The following CPLANE1 variants were observed in gnomAD, a reference collection of about 807,000 sequenced individuals.
The protein encoded by CPLANE1 is ciliogenesis and planar polarity effector complex subunit 1.
CPLANE1 carries 263 observed loss-of-function variants against 362.5 expected under a neutral mutation model. The ratio of observed to expected loss-of-function variants is 0.73; its 90% CI spans 0.66 to 0.80. The LOEUF is 0.80. Ranked by LOEUF, CPLANE1 falls within the 30% of genes least tolerant of loss-of-function variation. The pLI, the probability that CPLANE1 is intolerant of heterozygous loss-of-function variation, is 0.00. For synonymous variants in CPLANE1, 1,212 were observed against 1,302.6 expected (o/e 0.93, Z 1.50); for missense variants, 3,461 against 3,793.4 (o/e 0.91, Z 2.30).
At position 37,213,619 on chromosome 5, in the gene CPLANE1, G is replaced by A. The variant is rs1352090701; in HGVS notation, c.2860C>T (p.Gln954Ter). ...RFMAAYFTNQ[Q>*]LCILPPHHVN... ...TGATGAGGGGGCAAAATGCAAAGCT[G>A]CTGATTGGTGAAATAGGCAGCCATG... Residue 954 changes from glutamine to a stop codon, truncating the protein, a stop_gained, in exon 16 of 53, where the codon CAG becomes TAG. Transcript: ENST00000651892. LOFTEE classifies it high-confidence loss of function. 2 of 1,548,704 alleles carry A rather than the reference G, an allele frequency of 1.3e-6. No individual in the cohort carries two copies. The highest frequency in any genetic ancestry group is 1.4e-5 in the African/African-American group (1 of 72,990).
chr5:37,212,635 T>C (rs569714738), intron 16 of CPLANE1, among the ~76,000 whole-genome samples: 1 of 152,312 alleles, frequency 6.6e-6, no homozygotes, highest in East Asian at 1.9e-4. Context: ...ATGAATATCA[T>C]AGAAATTTGT....
rs78164677 is a variant in CPLANE1 at position 37,187,387 on chromosome 5, G to A, written c.4080+27C>T. Reference sequence around the variant, plus strand: ...TTTTAAAGTCTCTGATTCTGATGTAGTTTACTTTCACCTACAAGCACATTA... The same window carrying A: ...TTTTAAAGTCTCTGATTCTGATGTAATTTACTTTCACCTACAAGCACATTA... On this transcript the variant is annotated intron_variant, in intron 23 of 52. Transcript: ENST00000651892. 170,626 of 1,562,424 alleles carry A rather than the reference G, an allele frequency of 0.11. 10,424 individuals are homozygous for A. Among genetic ancestry groups the A allele is most frequent in the African/African-American group, 0.24 (17,729 of 72,394 alleles).
At chr5:37,197,005 T>G (rs1787717082) in intron 20 of CPLANE1, among the ~76,000 whole-genome samples, 1 of 150,574 alleles carries the variant, frequency 6.6e-6, no homozygotes, top group Non-Finnish European at 1.5e-5. Flanking sequence ...CACAGATTAA[T>G]GACCGGGTTA....
chr5:37,090,497 C>T, the CPLANE1 span, among the ~76,000 whole-genome samples: 1 of 152,166 alleles, frequency 6.6e-6, no homozygotes, highest in Non-Finnish European at 1.5e-5. Context: ...TATTAATCTG[C>T]AAATAGCTTT....
At chr5:37,245,419 T>G in intron 4 of CPLANE1, 60 bp downstream of exon 4, 1 of 1,323,440 alleles carries the variant, frequency 7.6e-7, no homozygotes, top group Non-Finnish European at 9.7e-7. Context: ...GAAAAATGTT[T>G]CATCCTCTTT....
the CPLANE1 span, chr5:37,085,873 TTAAATCTTTG>T: frequency 9.9e-7 from 1 of 1,011,990 alleles, no homozygotes; most frequent in East Asian, 2.4e-5. Flanking sequence ...GGGTGACGTG[TTAAATCTTTG>T]TACATAATTA....
At chr5:37,082,847 A>G in the CPLANE1 span, among the ~76,000 whole-genome samples, 6 of 152,172 alleles carry the variant, frequency 3.9e-5, no homozygotes, top group African/African-American at 1.4e-4. Context: ...AAAAAGAAAC[A>G]AAGGGTGGAG....
downstream of CPLANE1, among the ~76,000 whole-genome samples, chr5:37,105,246 G>A (rs1430878033): frequency 2.0e-5 from 3 of 152,134 alleles, no homozygotes; most frequent in Non-Finnish European, 4.4e-5. Flanking sequence ...GCTGCAGTGA[G>A]CCAACATCAC....
Position 37,157,841 on chromosome 5 carries a change from C to G in CPLANE1, c.7840G>C (p.Asp2614His). Reference protein sequence around the residue: ...LVGHTYINVIDIEANDLLQEL... With the variant: ...LVGHTYINVIHIEANDLLQEL... ...TGTAGAAGATCATTAGCTTCAATGT[C>G]AATCACATTTATATAAGTATGTCCA... The change falls in exon 40 of 53, where the codon GAC becomes CAC. Residue 2614 changes from aspartate (D) to histidine (H), a missense_variant. Transcript: ENST00000651892. 1 of 1,428,180 alleles carries G rather than the reference C, an allele frequency of 7.0e-7. No individual in the cohort carries two copies. The highest frequency in any genetic ancestry group is 9.4e-7 in the Non-Finnish European group (1 of 1,067,644). 88.5% of individuals were successfully genotyped at this position (1,428,180 alleles called of 1,614,324 possible).
Position 37,158,208 on chromosome 5 carries a change from T to C in CPLANE1, c.7812+16A>G. On this transcript the variant is annotated intron_variant, in intron 39 of 52. Transcript: ENST00000651892. ...AGCGCAAAGGTATTATTAAAACTTC[T>C]GAATAAAACACAAACCAAGTTTGTT... 1.9e-6 allele frequency: 3 copies of C among 1,612,438 alleles called. No homozygotes were observed. The highest frequency in any genetic ancestry group is 2.5e-6 in the Non-Finnish European group (3 of 1,178,942).
intron 46 of CPLANE1, among the ~76,000 whole-genome samples, chr5:37,132,338 T>C (rs1361626572): frequency 2.6e-4 from 1 of 3,838 alleles, no homozygotes; most frequent in Non-Finnish European, 2.6e-3. Flanking sequence ...ATTGTTCAAG[T>C]TTTTTTTTTT....
chr5:37,213,189 C>T (rs1045034482), intron 16 of CPLANE1, among the ~76,000 whole-genome samples: 3 of 152,090 alleles, frequency 2.0e-5, no homozygotes, highest in African/African-American at 7.2e-5. Flanking sequence ...CCCTGGGCAA[C>T]AAGAGCGAAA....
At position 37,157,878 on chromosome 5, in the gene CPLANE1, A is replaced by C; in HGVS notation, c.7813-10T>G. The C allele has an allele frequency of 6.4e-7, 1 of 1,568,850 alleles. No individual in the cohort carries two copies. The highest frequency in any genetic ancestry group is 8.7e-7 in the Non-Finnish European group (1 of 1,148,796). On this transcript the variant is annotated splice_polypyrimidine_tract_variant and intron_variant, in intron 39 of 52. Transcript: ENST00000651892. ...TATAAGTATGTCCAACCTGAGCCAA[A>C]ACACATAAAACCAAAGAGGGTTACA... is the stretch of plus-strand genomic sequence containing the variant.
At position 37,167,100 on chromosome 5, in the gene CPLANE1, T is replaced by C; in HGVS notation, c.7347A>G (p.Leu2449=). 1.2e-6 allele frequency: 2 copies of C among 1,613,234 alleles called. No individual in the cohort carries two copies. The highest frequency in any genetic ancestry group is 2.2e-5 in the East Asian group (1 of 44,808). Residue 2449 remains leucine, a synonymous_variant, in exon 35 of 53, where the codon CTA becomes CTG. Coordinates refer to ENST00000651892, the MANE Select transcript of CPLANE1 (RefSeq NM_001384732.1). ...EQGDAGHLQL[L]KVKIEPPEVR... is the part of the protein sequence containing the mutation. ...CTTCAGGTGGTTCTATTTTGACCTTTAGAAGTTGAAGGTGTCCAGCATCAC... is the reference window on the plus strand; with the variant it reads ...CTTCAGGTGGTTCTATTTTGACCTTCAGAAGTTGAAGGTGTCCAGCATCAC...
intron 30 of CPLANE1, among the ~76,000 whole-genome samples, chr5:37,176,374 G>A (rs1303055722): frequency 3.3e-5 from 5 of 152,008 alleles, no homozygotes; most frequent in African/African-American, 7.3e-5. Flanking sequence ...GATGGCTCAC[G>A]ACTGTAATCC....
rs1023003480 is a variant in CPLANE1 at position 37,184,808 on chromosome 5, A to C, written c.4461T>G (p.Ser1487Arg). The C allele has an allele frequency of 2.5e-5, 41 of 1,611,836 alleles. 1 individual carries two copies. Among genetic ancestry groups the C allele is most frequent in the East Asian group, 1.3e-4 (6 of 44,872 alleles). ...TGTACCTTTGATAGATATTTATCCT[A>C]CTTTTTTCTTCAACCGACAAAGCTT... is the stretch of plus-strand genomic sequence containing the variant. ...FSEALSVEEK[S>R]RINIYQRNAP... is the part of the protein sequence containing the mutation. Residue 1487 changes from serine to arginine, a missense_variant, in exon 25 of 53, where the codon AGT becomes AGG. Physicochemically the swap from Ser to Arg is moderately radical, Grantham distance 110 (BLOSUM62 -1). This residue lies in a region of CPLANE1 where 3,380 missense variants were observed against 3,666.1 expected (regional missense o/e 0.92). Transcript: ENST00000651892.
At chr5:37,087,746 G>A in the CPLANE1 span, among the ~76,000 whole-genome samples, 1 of 152,132 alleles carries the variant, frequency 6.6e-6, no homozygotes, top group African/African-American at 2.4e-5. Context: ...ATGAGCCACC[G>A]CACCTGGCCA....
Position 37,153,738 on chromosome 5 carries a change from A to G in CPLANE1, c.8373+2T>C. ...AAAAAACTAAAAATAAAGGTAGTCT[A>G]CCTTATCACAATGTAGATCTAGCAT... On this transcript the variant is annotated splice_donor_variant, in intron 42 of 52. Transcript: ENST00000651892. LOFTEE classifies it high-confidence loss of function. 6.2e-7 allele frequency: 1 copy of G among 1,607,130 alleles called. No homozygotes were observed. Among genetic ancestry groups the G allele is most frequent in the Non-Finnish European group, 8.5e-7 (1 of 1,174,134 alleles).
intron 16 of CPLANE1, chr5:37,211,189 C>T (rs1792493200): frequency 1.4e-6 from 2 of 1,393,162 alleles, no homozygotes; most frequent in South Asian, 2.3e-5. Context: ...TCAAGGATCA[C>T]AAATTATCCA....
Sources: gnomAD v4.1 joint callset for allele counts (sites outside exome capture counted in the v4.1 genomes callset) on GRCh38, gnomAD v4.1.1 for gene constraint, gnomAD v4.1.1 regional missense constraint, MANE v1.5 for transcripts, NCBI Gene and HGNC (gene_info 2026-07-23, HGNC 2026-07-21) for gene names.